HOOK2: variants seen among roughly 807,000 people sequenced by gnomAD.
HOOK2 encodes protein Hook homolog 2.
In HOOK2, 108 loss-of-function variants were observed where a neutral mutation model predicts 111.9. That is an observed-to-expected ratio of 0.96 (90% CI 0.83 to 1.13). The LOEUF is 1.13. Ranked by LOEUF, HOOK2 falls within the 50% of genes most tolerant of loss-of-function variation. The pLI is 0.00. For missense variants in HOOK2, 978 were observed against 951.3 expected, an observed-to-expected ratio of 1.03 and a Z score of -0.37; for synonymous variants, 405 against 394.3, an observed-to-expected ratio of 1.03 and a Z score of -0.32.
At chr19:12,782,151 C>T (rs898883896), upstream of HOOK2, among the ~76,000 whole-genome samples, 2 of 152,216 alleles carry the variant, frequency 1.3e-5, no homozygotes, top group Admixed American at 1.3e-4. Context: ...CCACTGCGCC[C>T]GTCCTATTTT....
Position 12,767,453 on chromosome 19 carries a change from C to T in HOOK2, c.1315G>A (p.Asp439Asn), listed in dbSNP as rs1484772292. Residue 439 changes from aspartate to asparagine, a missense_variant, in exon 14 of 23, where the codon GAT becomes AAT. Around this residue, in one of 5 missense-constraint regions of HOOK2, gnomAD observed 388 missense variants for 358.3 expected, o/e 1.08. Coordinates refer to ENST00000397668, the MANE Select transcript of HOOK2 (RefSeq NM_013312.3). ...RGLTQADPSL[D>N]PTSTPVDNLA... ...TTATCCACGGGTGTGGAGGTGGGAT[C>T]CAGTGAGGGATCTGAAGAATGCGAG... is the stretch of plus-strand genomic sequence containing the variant. 1 of 1,613,942 alleles carries T rather than the reference C, an allele frequency of 6.2e-7. No homozygotes were observed. Among genetic ancestry groups the T allele is most frequent in the Admixed American group, 1.7e-5 (1 of 60,006 alleles).
At chr19:12,779,148 G>A (rs905555707), upstream of HOOK2, among the ~76,000 whole-genome samples, 5 of 152,178 alleles carry the variant, frequency 3.3e-5, no homozygotes, top group African/African-American at 7.2e-5. Context: ...AGCTGGATTG[G>A]GGAGCCCACC....
At position 12,763,390 on chromosome 19, in the gene HOOK2, A is replaced by G. The variant is rs1409059044; in HGVS notation, c.2052T>C (p.Pro684=). ...GTGCCAGGAATGACTGGGCATGGGC[A>G]GGCGCCCGCTCCTCCCCAGCTCGCT... The part of the protein sequence containing the change: ...LQQRAGEERA[P]AHAQSFLAQQ... Residue 684 remains proline (P), a synonymous_variant, in exon 23 of 23, where the codon CCT becomes CCC. Transcript: ENST00000397668. 1 of 1,614,032 alleles carries G rather than the reference A, an allele frequency of 6.2e-7. No individual in the cohort carries two copies. The highest frequency in any genetic ancestry group is 8.5e-7 in the Non-Finnish European group (1 of 1,179,962).
chr19:12,779,977 C>T (rs980295382), upstream of HOOK2, among the ~76,000 whole-genome samples: 1 of 152,258 alleles, frequency 6.6e-6, no homozygotes, highest in South Asian at 2.1e-4. Flanking sequence ...TAGTGAAACC[C>T]TGTCTCTACT....
At chr19:12,785,814 G>A (rs1450533649) in intron 3 of HOOK2, among the ~76,000 whole-genome samples, 1 of 152,196 alleles carries the variant, frequency 6.6e-6, no homozygotes, top group African/African-American at 2.4e-5. Flanking sequence ...CTGCCCCACA[G>A]AGATCCTGGC....
At chr19:12,773,111 C>T in intron 3 of HOOK2, 67 bp from the exon 4 acceptor site, 1 of 1,436,154 alleles carries the variant, frequency 7.0e-7, no homozygotes, top group Non-Finnish European at 9.8e-7. Flanking sequence ...AGGTCCCATC[C>T]TCTCTCCACC....
chr19:12,770,997 C>T lies in HOOK2; in HGVS notation c.837G>A (p.Arg279=), dbSNP rs200425388. 1.7e-3 allele frequency: 2,739 copies of T among 1,612,466 alleles called. 5 individuals carry two copies. Among genetic ancestry groups the T allele is most frequent in the Non-Finnish European group, 2.2e-3 (2,625 of 1,179,630 alleles). The part of the protein sequence containing the change: ...LEREVAELQH[R]NQALTSLAQE... ...GGGCCAGGCTAGTCAGCGCCTGGTT[C>T]CGGTGCTGCAGCTCCGCAACCTCCC... The change falls in exon 10 of 23, where the codon CGG becomes CGA. Residue 279 remains arginine (R), a synonymous_variant. Transcript: ENST00000397668.
rs1050726895 is a variant in HOOK2, at chr19:12,786,364, A to AG, written n.42-12140dup. On this transcript the variant is annotated intron_variant and non_coding_transcript_variant, in intron 3 of 3. Coordinates refer to the HOOK2 transcript ENST00000589765. The surrounding 1 kb of genome is among the most constrained non-coding windows in gnomAD (Gnocchi z 4.3). ...CCACTGGTCAGTGGGGCCAGCAGGGAGGGGGGTCACCGGGCTATTTATAAG... is the reference window on the plus strand; with the variant it reads ...CCACTGGTCAGTGGGGCCAGCAGGGAGGGGGGGTCACCGGGCTATTTATAAG... Among the ~76,000 whole-genome samples, 1 of 151,888 alleles carries AG rather than the reference A, an allele frequency of 6.6e-6. No homozygotes were observed. The highest frequency in any genetic ancestry group is 1.5e-5 in the Non-Finnish European group (1 of 67,900).
chr19:12,768,172 G>T, intron 11 of HOOK2, 49 bp from the exon 12 acceptor site: 1 of 1,496,930 alleles, frequency 6.7e-7, no homozygotes, highest in Non-Finnish European at 9.3e-7. Flanking sequence ...GGGAGCAGGG[G>T]CAGGGGCTGA....
rs1373866435 is a variant in HOOK2 at position 12,774,898 on chromosome 19, C to T, written c.46-1G>A. On this transcript the variant is annotated splice_acceptor_variant, in intron 1 of 22. Coordinates refer to ENST00000397668, the MANE Select transcript of HOOK2 (RefSeq NM_013312.3). LOFTEE classifies it high-confidence loss of function. ...GAGACGGAACGTGGAACGTCTGTAA[C>T]TGAGGGGTAAAGGAAAGGACAAGGA... 3 of 1,613,316 alleles carry T rather than the reference C, an allele frequency of 1.9e-6. No homozygotes were observed. The highest frequency in any genetic ancestry group is 1.7e-5 in the Admixed American group (1 of 59,922).
upstream of HOOK2, chr19:12,775,560 C>A (rs1968478500): frequency 1.9e-6 from 2 of 1,036,130 alleles, no homozygotes; most frequent in Non-Finnish European, 1.3e-6. Context: ...CCTAGAGCGC[C>A]GCCCCGCCCC....
At chr19:12,781,010 A>C (rs1968596399), upstream of HOOK2, among the ~76,000 whole-genome samples, 1 of 123,914 alleles carries the variant, frequency 8.1e-6, no homozygotes, top group Non-Finnish European at 1.7e-5. Flanking sequence ...TATAAAAATA[A>C]AGAAAAAGAA....
chr19:12,774,337 C>A (rs1371919734), intron 3 of HOOK2: 11 of 372,930 alleles, frequency 2.9e-5, no homozygotes, highest in Middle Eastern at 6.3e-4. Flanking sequence ...AACTCCTGGC[C>A]CCAGGTGATC....
chr19:12,783,639 C>T (rs1968628790), intron 3 of HOOK2, among the ~76,000 whole-genome samples: 1 of 152,054 alleles, frequency 6.6e-6, no homozygotes, highest in East Asian at 1.9e-4. Flanking sequence ...AATCCTGTCT[C>T]TGCCCTCATT....
chr19:12,782,607 C>G (rs896778394), upstream of HOOK2, among the ~76,000 whole-genome samples: 1 of 152,160 alleles, frequency 6.6e-6, no homozygotes, highest in African/African-American at 2.4e-5. Context: ...GTCGTGCGTG[C>G]AAGCGCGGGG....
intron 11 of HOOK2, among the ~76,000 whole-genome samples, 191 bp from the exon 12 acceptor site, chr19:12,768,314 C>T (rs1411761430): frequency 6.6e-6 from 1 of 152,192 alleles, no homozygotes; most frequent in Non-Finnish European, 1.5e-5. Context: ...TGGCTGATCT[C>T]AAACTCCTGG....
At chr19:12,774,333 T>G (rs562895734) in intron 3 of HOOK2, 1 of 365,746 alleles carries the variant, frequency 2.7e-6, no homozygotes, top group South Asian at 2.8e-5. Flanking sequence ...CTTGAACTCC[T>G]GGCCCCAGGT....
Position 12,790,209 on chromosome 19 carries a change from C to A in HOOK2, n.42-15984G>T, listed in dbSNP as rs1968696700. On this transcript the variant is annotated intron_variant and non_coding_transcript_variant, in intron 3 of 3. Transcript: ENST00000589765. The surrounding 1 kb of genome is among the most constrained non-coding windows in gnomAD (Gnocchi z 7.2). ...CCAAGCACCCGGGCCTCCGCGGGGG[C>A]TCGCACGCCCAGGTTCCTCTTCCGA... Among the ~76,000 whole-genome samples, 1 of 152,224 alleles carries A rather than the reference C, an allele frequency of 6.6e-6. No homozygotes were observed. Among genetic ancestry groups the A allele is most frequent in the Non-Finnish European group, 1.5e-5 (1 of 68,022 alleles).
chr19:12,768,244 C>T, intron 11 of HOOK2, 121 bp from the exon 12 acceptor site: 1 of 765,440 alleles, frequency 1.3e-6, no homozygotes, highest in Non-Finnish European at 2.1e-6. Context: ...TACTATGGTG[C>T]TTTCAGCTGT....
Sources: gnomAD v4.1 joint callset for allele counts (sites outside exome capture counted in the v4.1 genomes callset) on GRCh38, gnomAD v4.1.1 for gene constraint, gnomAD v4.1.1 regional missense constraint, Gnocchi (gnomAD v3.1) non-coding constraint, MANE v1.5 for transcripts, NCBI Gene and HGNC (gene_info 2026-07-23, HGNC 2026-07-21) for gene names.